The following MALL variants were observed in gnomAD, a reference collection of about 807,000 sequenced individuals.
MALL encodes the protein mal, T cell differentiation protein like.
Under a neutral mutation model 10.3 loss-of-function variants are expected in MALL, and 2 were observed. The observed-to-expected ratio is 0.19, with a 90% CI of 0.08 to 0.61. The LOEUF (loss-of-function observed/expected upper bound fraction) is 0.61, where lower values mean the gene tolerates loss of function less well. Among genes scored for constraint, MALL ranks in the 20% least tolerant of loss-of-function variants. The pLI, the probability that MALL is intolerant of heterozygous loss-of-function variation, is 0.88. For missense variants in MALL, 39 were observed against 115.2 expected, an observed-to-expected ratio of 0.34 and a Z score of 3.03; for synonymous variants, 27 against 51.8, an observed-to-expected ratio of 0.52 and a Z score of 2.05.
intron 1 of MALL, among the ~76,000 whole-genome samples, chr2:110,106,633 T>C (rs969801952): frequency 6.6e-6 from 1 of 152,140 alleles, no homozygotes; most frequent in Non-Finnish European, 1.5e-5. Context: ...CAGAAGTTAT[T>C]CTCCAGCCAC....
chr2:110,115,893 G>GGA (rs542894291), upstream of MALL: 18 of 359,278 alleles, frequency 5.0e-5, no homozygotes, highest in South Asian at 3.0e-4. Flanking sequence ...GCCTGGGAGG[G>GGA]AAAAAAAAAA....
At chr2:110,098,744 C>G (rs567865839) in intron 1 of MALL, among the ~76,000 whole-genome samples, 1 of 152,272 alleles carries the variant, frequency 6.6e-6, no homozygotes, top group Non-Finnish European at 1.5e-5. Context: ...GTGGCTCACA[C>G]CTGTAATCCC....
intron 1 of MALL, among the ~76,000 whole-genome samples, chr2:110,103,633 T>G (rs1181517876): frequency 6.6e-6 from 1 of 152,148 alleles, no homozygotes; most frequent in South Asian, 2.1e-4. Context: ...CTGGGTCCAG[T>G]GGGTCAGACT....
At chr2:110,110,077 A>G (rs1415291594) in intron 1 of MALL, among the ~76,000 whole-genome samples, 1 of 152,178 alleles carries the variant, frequency 6.6e-6, no homozygotes, top group African/African-American at 2.4e-5. Context: ...GGCAGTGTTA[A>G]GAGGAAAGTT....
chr2:110,096,897 T>C (rs1353248378), intron 1 of MALL, among the ~76,000 whole-genome samples: 1 of 53,026 alleles, frequency 1.9e-5, no homozygotes, highest in African/African-American at 3.0e-5. Flanking sequence ...GCCCATACTG[T>C]TCAACTCAGT....
At chr2:110,098,894 C>T (rs561063785) in intron 1 of MALL, among the ~76,000 whole-genome samples, 4 of 151,956 alleles carry the variant, frequency 2.6e-5, no homozygotes, top group Admixed American at 6.6e-5. Context: ...CTCAGCTACT[C>T]GGGGGGCTGA....
intron 1 of MALL, among the ~76,000 whole-genome samples, chr2:110,099,633 G>A (rs1678519638): frequency 2.6e-5 from 4 of 152,240 alleles, no homozygotes; most frequent in South Asian, 4.1e-4. Flanking sequence ...ACCAGTAAGG[G>A]GATGTCACTG....
intron 1 of MALL, among the ~76,000 whole-genome samples, chr2:110,102,532 GAC>G (rs1288879909): frequency 6.6e-6 from 1 of 152,164 alleles, no homozygotes; most frequent in African/African-American, 2.4e-5. Flanking sequence ...GGGGTTGCTG[GAC>G]ACACCACTCA....
At chr2:110,106,591 G>A (rs781334493) in intron 1 of MALL, among the ~76,000 whole-genome samples, 4 of 152,148 alleles carry the variant, frequency 2.6e-5, no homozygotes, top group Non-Finnish European at 1.5e-5. Context: ...TACTGATAAA[G>A]TTTCATCAAT....
At chr2:110,108,261 G>T (rs1356438124) in intron 1 of MALL, among the ~76,000 whole-genome samples, 1 of 152,086 alleles carries the variant, frequency 6.6e-6, no homozygotes, top group Non-Finnish European at 1.5e-5. Flanking sequence ...AAAATGTGAA[G>T]CCCAATGCAA....
At chr2:110,099,497 G>C (rs1206067479) in intron 1 of MALL, among the ~76,000 whole-genome samples, 2 of 152,172 alleles carry the variant, frequency 1.3e-5, no homozygotes, top group Admixed American at 1.3e-4. Context: ...TTAGGCCCTA[G>C]TCAGGGTATG....
chr2:110,114,835 T>C (rs1260146239), intron 1 of MALL, among the ~76,000 whole-genome samples: 1 of 151,538 alleles, frequency 6.6e-6, no homozygotes, highest in African/African-American at 2.4e-5. Context: ...CTTCAGAAGG[T>C]GCTGGAAAAA....
intron 1 of MALL, among the ~76,000 whole-genome samples, chr2:110,112,676 G>A (rs578075274): frequency 6.6e-6 from 1 of 151,998 alleles, no homozygotes; most frequent in Non-Finnish European, 1.5e-5. Flanking sequence ...ACAGTGTGGA[G>A]TTTCCTTAAA....
intron 1 of MALL, among the ~76,000 whole-genome samples, chr2:110,102,567 T>G (rs1211689018): frequency 6.6e-6 from 1 of 152,154 alleles, no homozygotes; most frequent in Non-Finnish European, 1.5e-5. Flanking sequence ...AGCCTCAGAT[T>G]CCTGGGACAG....
chr2:110,111,049 G>A lies in MALL; in HGVS notation c.105+4639C>T, dbSNP rs554634923. ...TATTGTCAAAACTCTCAGCAAAATC[G>A]GCATACAAGGGACATATCTTAATGT... On this transcript the variant is annotated intron_variant, in intron 1 of 3. Coordinates refer to ENST00000272462, the MANE Select transcript of MALL (RefSeq NM_005434.5). Among the ~76,000 whole-genome samples the A allele has an allele frequency of 7.2e-5, 11 of 152,072 alleles. No homozygotes were observed. The East Asian group carries it at 1.2e-3, about 16-fold the overall frequency.
intron 1 of MALL, among the ~76,000 whole-genome samples, chr2:110,100,480 A>T (rs1211480954): frequency 2.7e-5 from 4 of 146,594 alleles, no homozygotes; most frequent in African/African-American, 7.5e-5. Context: ...CCCCCACCCT[A>T]AAAAAAAAAA....
At chr2:110,097,802 C>T (rs1326231658) in intron 1 of MALL, among the ~76,000 whole-genome samples, 32 of 152,248 alleles carry the variant, frequency 2.1e-4, no homozygotes, top group Non-Finnish European at 3.2e-4. Context: ...GCAGGTTTCA[C>T]GTACTGCCAA....
At chr2:110,099,873 C>T (rs1253373666) in intron 1 of MALL, among the ~76,000 whole-genome samples, 1 of 152,108 alleles carries the variant, frequency 6.6e-6, no homozygotes, top group Admixed American at 6.5e-5. Flanking sequence ...GAGCTGCTGA[C>T]CCAGATCGCA....
intron 1 of MALL, among the ~76,000 whole-genome samples, chr2:110,112,852 G>A (rs576785947): frequency 5.6e-4 from 84 of 150,262 alleles, no homozygotes; most frequent in East Asian, 1.2e-3. Context: ...ATCAATCAAT[G>A]GGTAGATAAA....
Sources: allele counts gnomAD v4.1 joint callset (sites outside exome capture counted in the v4.1 genomes callset), GRCh38; gene constraint gnomAD v4.1.1; transcripts MANE v1.5; gene names NCBI Gene and HGNC (gene_info 2026-07-23, HGNC 2026-07-21).